WDR20: variants seen among roughly 807,000 people sequenced by gnomAD.
WDR20 encodes the protein WD repeat domain 20, also known as WD repeat-containing protein 20.
A neutral mutation model predicts 38.7 loss-of-function variants in WDR20; 3 were observed. That is an observed-to-expected ratio of 0.08 (90% CI 0.04 to 0.20). The LOEUF (loss-of-function observed/expected upper bound fraction) is 0.20. Among genes scored for constraint, WDR20 ranks in the 10% least tolerant of loss-of-function variants. WDR20 has a pLI of 1.00. For missense variants in WDR20, 559 were observed against 727.7 expected, an observed-to-expected ratio of 0.77 and a Z score of 2.67; for synonymous variants, 298 against 285.6, an observed-to-expected ratio of 1.04 and a Z score of -0.44.
chr14:102,167,711 A>G (rs1037136082), intron 1 of WDR20: 1 of 152,170 alleles, frequency 6.6e-6, no homozygotes, highest in Admixed American at 6.5e-5. Context: ...TCTCTAATGC[A>G]TGCCACGGTA....
At chr14:102,152,704 C>T (rs146030235) in intron 1 of WDR20, among the ~76,000 whole-genome samples, 36 of 152,256 alleles carry the variant, frequency 2.4e-4, no homozygotes, top group African/African-American at 6.3e-4. Context: ...CGTGAGCCAC[C>T]GTACCTGGCC....
chr14:102,196,824 A>G (rs375515446), intron 2 of WDR20, among the ~76,000 whole-genome samples: 6 of 152,324 alleles, frequency 3.9e-5, no homozygotes, highest in African/African-American at 1.2e-4. Flanking sequence ...TACTCACTTT[A>G]CATTTTATTT....
chr14:102,196,689 C>T (rs578190781), intron 2 of WDR20, among the ~76,000 whole-genome samples: 1 of 152,234 alleles, frequency 6.6e-6, no homozygotes, highest in Non-Finnish European at 1.5e-5. Flanking sequence ...CACACGTCCC[C>T]AGAATCTCAG....
intron 1 of WDR20, among the ~76,000 whole-genome samples, chr14:102,144,481 C>CAAA (rs760450854): frequency 1.4e-5 from 1 of 73,368 alleles, no homozygotes. Flanking sequence ...GACTCTGTCT[C>CAAA]AAAAAAAAAA....
intron 1 of WDR20, among the ~76,000 whole-genome samples, chr14:102,146,854 TG>T (rs1306933119): frequency 1.3e-5 from 2 of 152,236 alleles, no homozygotes; most frequent in African/African-American, 4.8e-5. Flanking sequence ...TTTAGAAGTC[TG>T]TAACTTTTTG....
At chr14:102,144,116 A>C (rs749414634) in intron 1 of WDR20, among the ~76,000 whole-genome samples, 3 of 152,068 alleles carry the variant, frequency 2.0e-5, no homozygotes, top group Non-Finnish European at 4.4e-5. Flanking sequence ...AGTTAAGGTT[A>C]CAGTGAGCTA....
At chr14:102,179,681 C>G (rs1179409589) in intron 1 of WDR20, among the ~76,000 whole-genome samples, 1 of 152,022 alleles carries the variant, frequency 6.6e-6, no homozygotes, top group Non-Finnish European at 1.5e-5. Context: ...CCCTTCCTCA[C>G]CCCCTTCATT....
At chr14:102,198,298 A>G (rs1171503893) in intron 2 of WDR20, 4 of 339,850 alleles carry the variant, frequency 1.2e-5, no homozygotes, top group South Asian at 4.3e-5. Flanking sequence ...TTGTATTTTT[A>G]GTAGAGACGG....
intron 1 of WDR20, among the ~76,000 whole-genome samples, chr14:102,144,725 A>T: frequency 6.6e-6 from 1 of 150,400 alleles, no homozygotes; most frequent in Admixed American, 6.6e-5. Flanking sequence ...TGTTTTTGAG[A>T]CAGAATCTTG....
rs1440274157 is a variant in WDR20 at position 102,168,141 on chromosome 14, A to T, written c.250-26797A>T. Among the ~76,000 whole-genome samples, 4 of 152,168 alleles carry T rather than the reference A, an allele frequency of 2.6e-5. No homozygotes were observed. The East Asian group carries it at 7.7e-4, about 29-fold the overall frequency. On this transcript the variant is annotated intron_variant, in intron 1 of 2. Coordinates refer to ENST00000342702, the MANE Select transcript of WDR20 (RefSeq NM_144574.4). ...TCCCATACATCTCCCATATCTTACC[A>T]TAGCACTGGTAACAAACAGGTACAG... is the stretch of plus-strand genomic sequence containing the variant.
At chr14:102,153,586 G>A (rs1323716495) in intron 1 of WDR20, among the ~76,000 whole-genome samples, 1 of 152,088 alleles carries the variant, frequency 6.6e-6, no homozygotes, top group African/African-American at 2.4e-5. Flanking sequence ...GATTACAGGC[G>A]TGAGCCACCG....
At chr14:102,218,438 C>T (rs576447734), downstream of WDR20, among the ~76,000 whole-genome samples, 9 of 152,356 alleles carry the variant, frequency 5.9e-5, no homozygotes, top group East Asian at 9.6e-4. Flanking sequence ...CTTTCTCTGA[C>T]GTGGCCTGTG....
At position 102,220,059 on chromosome 14, in the gene WDR20, T is replaced by C. The variant is rs1233826613; in HGVS notation, c.1693-2771T>C. Among the ~76,000 whole-genome samples the C allele has an allele frequency of 6.6e-6, 1 of 152,250 alleles. No homozygotes were observed. The highest frequency in any genetic ancestry group is 2.4e-5 in the African/African-American group (1 of 41,470). ...GAATAGGAAGCCTGCAGCCCTCGCG[T>C]TGGGTCGCTTTCTAGGGGTGCGGCT... On this transcript the variant is annotated intron_variant, in intron 3 of 3. Coordinates refer to the WDR20 transcript ENST00000335263. This position sits in a 1 kb window ranked among gnomAD's most constrained non-coding sequence, Gnocchi z 4.2.
intron 1 of WDR20, among the ~76,000 whole-genome samples, chr14:102,158,262 C>T (rs748063443): frequency 1.6e-4 from 24 of 152,110 alleles, no homozygotes; most frequent in Non-Finnish European, 3.4e-4. Flanking sequence ...ATGGTGCTGA[C>T]AAGCAGTTGC....
intron 1 of WDR20, among the ~76,000 whole-genome samples, chr14:102,174,665 C>T (rs1362599266): frequency 1.3e-5 from 2 of 152,012 alleles, no homozygotes; most frequent in African/African-American, 4.8e-5. Context: ...ATGATCCACC[C>T]ACCTTAGCCT....
downstream of WDR20, among the ~76,000 whole-genome samples, chr14:102,216,054 G>A (rs925474859): frequency 1.3e-5 from 2 of 152,300 alleles, no homozygotes; most frequent in African/African-American, 4.8e-5. Flanking sequence ...GCCTCTGCAT[G>A]TTGGCAGCCG....
intron 1 of WDR20, among the ~76,000 whole-genome samples, chr14:102,166,186 C>G (rs531387549): frequency 6.6e-6 from 1 of 151,296 alleles, no homozygotes; most frequent in Admixed American, 6.6e-5. Flanking sequence ...TTGCCGTTGC[C>G]CAAGCTGATC....
At chr14:102,182,810 A>G (rs1463612354) in intron 1 of WDR20, among the ~76,000 whole-genome samples, 2 of 152,084 alleles carry the variant, frequency 1.3e-5, no homozygotes, top group African/African-American at 4.8e-5. Flanking sequence ...ATATCTTTTC[A>G]AACTGTTTTC....
At chr14:102,171,843 A>G (rs1303016518) in intron 1 of WDR20, among the ~76,000 whole-genome samples, 1 of 151,590 alleles carries the variant, frequency 6.6e-6, no homozygotes, top group Non-Finnish European at 1.5e-5. Flanking sequence ...TGTTTAGTAC[A>G]TTATATAATG....
Sources: allele counts gnomAD v4.1 joint callset (sites outside exome capture counted in the v4.1 genomes callset), GRCh38; gene constraint gnomAD v4.1.1; non-coding constraint Gnocchi (gnomAD v3.1); transcripts MANE v1.5; gene names NCBI Gene and HGNC (gene_info 2026-07-23, HGNC 2026-07-21).